Variants in CNKSR2 observed in about 807,000 individuals in gnomAD.
CNKSR2 encodes the protein connector enhancer of kinase suppressor of Ras 2, also known as CNK homolog protein 2.
CNKSR2 carries 14 observed loss-of-function variants against 84.4 expected under a neutral mutation model. The observed-to-expected ratio is 0.17, with a 90% CI of 0.11 to 0.26. The LOEUF (loss-of-function observed/expected upper bound fraction) is 0.26, where lower values mean the gene tolerates loss of function less well. Ranked by LOEUF, CNKSR2 falls within the 10% of genes least tolerant of loss-of-function variation. The probability of loss-of-function intolerance (pLI) is 1.00; values close to 1 mark genes in which losing one functional copy is unlikely to be tolerated. For synonymous variants in CNKSR2, 275 were observed against 277.9 expected (o/e 0.99, Z 0.10); for missense variants, 485 against 771.2 (o/e 0.63, Z 4.40).
In CNKSR2 at chrX:21,540,311, G is replaced by A. The variant is rs186626070; in HGVS notation, c.1303+8244G>A. On this transcript the variant is annotated intron_variant, in intron 11 of 21. Coordinates refer to ENST00000379510, the MANE Select transcript of CNKSR2 (RefSeq NM_014927.5). The stretch of plus-strand genomic sequence containing the variant: ...CACCAAATACCTGGTACCTTCTCAA[G>A]CCTATGTCTGAGATCTGAAGATTTG... 2.6e-3 allele frequency among the ~76,000 whole-genome samples: 292 copies of A among 111,456 alleles called. 3 individuals are homozygous for A. The highest frequency in any genetic ancestry group is 9.0e-3 in the African/African-American group (278 of 30,722).
At chrX:21,630,065 TTCAC>T (rs2092640894) in intron 20 of CNKSR2, among the ~76,000 whole-genome samples, 1 of 111,988 alleles carries the variant, frequency 8.9e-6, no homozygotes, top group African/African-American at 3.2e-5. Flanking sequence ...TCCTTTTACT[TTCAC>T]TGCTGTCTCA....
At chrX:21,467,948 A>G (rs2091149835) in intron 4 of CNKSR2, among the ~76,000 whole-genome samples, 1 of 111,521 alleles carries the variant, frequency 9.0e-6, no homozygotes, top group African/African-American at 3.3e-5. Flanking sequence ...AACCCAGTAT[A>G]CTATATGTTG....
chrX:21,538,166 CTT>C (rs2091946347), intron 11 of CNKSR2: 1 of 111,458 alleles, frequency 9.0e-6, no homozygotes, highest in African/African-American at 3.3e-5. Context: ...CTGGGAAAGA[CTT>C]TATTTCTCCT....
At chrX:21,416,299 A>G (rs765603149) in intron 1 of CNKSR2, among the ~76,000 whole-genome samples, 2 of 112,181 alleles carry the variant, frequency 1.8e-5, no homozygotes, top group Admixed American at 9.4e-5. Flanking sequence ...ATACTTGGTC[A>G]TGATGAATGA....
At chrX:21,482,409 G>A (rs1276417222) in intron 5 of CNKSR2, among the ~76,000 whole-genome samples, 2 of 111,601 alleles carry the variant, frequency 1.8e-5, no homozygotes, top group Admixed American at 9.6e-5. Context: ...GGATCCCCGA[G>A]TGTCATTCAG....
At chrX:21,394,519 G>C (rs1014410515) in intron 1 of CNKSR2, among the ~76,000 whole-genome samples, 10 of 111,130 alleles carry the variant, frequency 9.0e-5, no homozygotes, top group Non-Finnish European at 1.3e-4. Context: ...ATTTTGCCTA[G>C]TTATTAGAAT....
intron 20 of CNKSR2, among the ~76,000 whole-genome samples, chrX:21,615,648 T>C (rs1021696817): frequency 2.7e-5 from 3 of 111,835 alleles, no homozygotes; most frequent in Admixed American, 9.5e-5. Flanking sequence ...TATATAATTA[T>C]ATAGGTTTTA....
At chrX:21,597,821 G>A (rs2092458438) in intron 17 of CNKSR2, among the ~76,000 whole-genome samples, 1 of 109,085 alleles carries the variant, frequency 9.2e-6, no homozygotes, top group Admixed American at 9.9e-5. Context: ...ATTATATAAT[G>A]TATGTGATTA....
At chrX:21,566,099 A>AT (rs112365951) in intron 13 of CNKSR2, among the ~76,000 whole-genome samples, 22,288 of 111,258 alleles carry the variant, frequency 0.2, 4,038 homozygotes, top group African/African-American at 0.59. Flanking sequence ...AAATGAGTGC[A>AT]TTTGAAAGGC....
chrX:21,616,744 C>A (rs1201993180), intron 20 of CNKSR2, among the ~76,000 whole-genome samples: 2 of 112,183 alleles, frequency 1.8e-5, no homozygotes, highest in Non-Finnish European at 3.8e-5. Context: ...TCTTCCAGCT[C>A]TCTTAGGCAG....
At chrX:21,562,209 A>G (rs985431516) in intron 12 of CNKSR2, among the ~76,000 whole-genome samples, 1 of 110,973 alleles carries the variant, frequency 9.0e-6, no homozygotes, top group Non-Finnish European at 1.9e-5. Flanking sequence ...GGATTTGATC[A>G]AGTGTGGGTA....
At chrX:21,610,495 A>G (rs2092544950) in intron 20 of CNKSR2, among the ~76,000 whole-genome samples, 1 of 112,362 alleles carries the variant, frequency 8.9e-6, no homozygotes, top group Non-Finnish European at 1.9e-5. Flanking sequence ...CATAAAATGC[A>G]CAAAACAAAA....
At chrX:21,454,907 C>T (rs1482101984) in intron 4 of CNKSR2, among the ~76,000 whole-genome samples, 1 of 111,776 alleles carries the variant, frequency 8.9e-6, no homozygotes, top group Non-Finnish European at 1.9e-5. Context: ...AAATGACCTG[C>T]AAAGTTATGT....
intron 15 of CNKSR2, 59 bp from the exon 16 acceptor site, chrX:21,594,915 G>C: frequency 1.2e-6 from 1 of 861,807 alleles, no homozygotes; most frequent in East Asian, 3.1e-5. Flanking sequence ...TAGTTACAGA[G>C]TATCATTACC....
At position 21,652,615 on chromosome X, in the gene CNKSR2, C is replaced by A; in HGVS notation, c.*94C>A. 2 of 643,179 alleles carry A rather than the reference C, an allele frequency of 3.1e-6. No homozygotes were observed. Among genetic ancestry groups the A allele is most frequent in the Non-Finnish European group, 4.9e-6 (2 of 409,345 alleles). 53.0% of individuals were successfully genotyped at this position (643,179 alleles called of 1,213,427 possible). A position where few individuals can be genotyped will look rare whatever the true frequency, so the allele number is the denominator to read the frequency against. Reference sequence around the variant, plus strand: ...ATCAATGTGTGGAACACTTGACAAGCTATACTTTAATGTTACCAAACTATA... The same window carrying A: ...ATCAATGTGTGGAACACTTGACAAGATATACTTTAATGTTACCAAACTATA... On this transcript the variant is annotated 3_prime_UTR_variant, in exon 22 of 22. Coordinates refer to ENST00000379510, the MANE Select transcript of CNKSR2 (RefSeq NM_014927.5).
intron 1 of CNKSR2, among the ~76,000 whole-genome samples, chrX:21,401,518 C>T (rs1013438675): frequency 9.0e-6 from 1 of 111,435 alleles, no homozygotes; most frequent in Non-Finnish European, 1.9e-5. Flanking sequence ...TTTCCCCTTT[C>T]CTTTCATAAT....
chrX:21,452,112 A>G (rs984319713), intron 4 of CNKSR2, among the ~76,000 whole-genome samples: 1 of 111,686 alleles, frequency 9.0e-6, no homozygotes, highest in Non-Finnish European at 1.9e-5. Context: ...TTTCCCCAAG[A>G]TGGAGTCTCA....
chrX:21,643,640 T>G (rs898304311), intron 20 of CNKSR2: 1 of 111,859 alleles, frequency 8.9e-6, no homozygotes, highest in Non-Finnish European at 1.9e-5. Context: ...TTTTTCTCAC[T>G]AAAATAGACT....
At chrX:21,411,383 C>T (rs1355331871) in intron 1 of CNKSR2, among the ~76,000 whole-genome samples, 1 of 111,628 alleles carries the variant, frequency 9.0e-6, no homozygotes, top group Non-Finnish European at 1.9e-5. Flanking sequence ...CTTCAACTTG[C>T]ATAGCTAAAA....
Sources: allele counts gnomAD v4.1 joint callset (sites outside exome capture counted in the v4.1 genomes callset), GRCh38; gene constraint gnomAD v4.1.1; transcripts MANE v1.5; gene names NCBI Gene and HGNC (gene_info 2026-07-23, HGNC 2026-07-21).